Variants in DOCK5 observed in about 807,000 individuals in gnomAD.
DOCK5 encodes the protein dedicator of cytokinesis protein 5.
In DOCK5, 142 loss-of-function variants were observed where a neutral mutation model predicts 251.8. That is an observed-to-expected ratio of 0.56 (90% CI 0.49 to 0.65). The LOEUF (loss-of-function observed/expected upper bound fraction) is 0.65, where lower values mean the gene tolerates loss of function less well. Ranked by LOEUF, DOCK5 falls within the 30% of genes least tolerant of loss-of-function variation. The pLI, the probability that DOCK5 is intolerant of heterozygous loss-of-function variation, is 0.00. For missense variants in DOCK5, 2,111 were observed against 2,312.3 expected (o/e 0.91, Z 1.79); for synonymous variants, 842 against 835.5 (o/e 1.01, Z -0.13).
At position 25,209,509 on chromosome 8, in the gene DOCK5, T is replaced by C. The variant is rs1184241832; in HGVS notation, c.43+24558T>C. On this transcript the variant is annotated intron_variant, in intron 1 of 51. Coordinates refer to ENST00000276440, the MANE Select transcript of DOCK5 (RefSeq NM_024940.8). ...CTTCTTCATCTATAATGAAGGATGA[T>C]GCCAAGAGGATTTTAACTTTTTGAG... Among the ~76,000 whole-genome samples, 2 of 71,152 alleles carry C rather than the reference T, an allele frequency of 2.8e-5. 1 individual carries two copies. The highest frequency in any genetic ancestry group is 6.4e-5 in the African/African-American group (2 of 31,436). The allele number at this position is 71,152 out of a possible 152,430, so 46.7% of individuals were successfully genotyped here. A position where few individuals can be genotyped will look rare whatever the true frequency, so the allele number is the denominator to read the frequency against.
At chr8:25,266,078 C>A (rs79285242) in intron 2 of DOCK5, among the ~76,000 whole-genome samples, 1,892 of 151,928 alleles carry the variant, frequency 0.012, 18 homozygotes, top group Non-Finnish European at 0.019. Context: ...AAGAGTGGCC[C>A]TCTGGACTCA....
chr8:25,334,204 T>C lies in DOCK5; in HGVS notation c.2192+8T>C, dbSNP rs1437427112. On this transcript the variant is annotated splice_region_variant and intron_variant, in intron 21 of 51. Transcript: ENST00000276440. Reference sequence around the variant, plus strand: ...CGCCACTTTGGCATATGTGTAAGTATGATCTGAAGGAACTACATGTTGTTG... The same window carrying C: ...CGCCACTTTGGCATATGTGTAAGTACGATCTGAAGGAACTACATGTTGTTG... 4 of 1,602,296 alleles carry C rather than the reference T, an allele frequency of 2.5e-6. No individual in the cohort carries two copies. The highest frequency in any genetic ancestry group is 2.7e-5 in the African/African-American group (2 of 74,648).
At chr8:25,272,843 C>G (rs1803944440) in intron 3 of DOCK5, among the ~76,000 whole-genome samples, 1 of 152,164 alleles carries the variant, frequency 6.6e-6, no homozygotes, top group African/African-American at 2.4e-5. Context: ...ATTCTGTCCC[C>G]TTTAGATACT....
At chr8:25,284,531 G>A (rs1424376175) in intron 5 of DOCK5, among the ~76,000 whole-genome samples, 1 of 152,192 alleles carries the variant, frequency 6.6e-6, no homozygotes, top group East Asian at 1.9e-4. Context: ...TAACTAGGTC[G>A]ATGGGTTTCA....
At chr8:25,348,023 G>T (rs1438131065) in intron 26 of DOCK5, among the ~76,000 whole-genome samples, 2 of 152,080 alleles carry the variant, frequency 1.3e-5, no homozygotes, top group African/African-American at 2.4e-5. Context: ...CAAAATTATC[G>T]ATCTTGGAGC....
intron 5 of DOCK5, among the ~76,000 whole-genome samples, chr8:25,288,332 C>G (rs1804396943): frequency 6.6e-6 from 1 of 152,204 alleles, no homozygotes; most frequent in African/African-American, 2.4e-5. Flanking sequence ...AAGTCCATCT[C>G]CTTGAAGTGA....
chr8:25,303,416 C>T (rs186885017), intron 10 of DOCK5, among the ~76,000 whole-genome samples: 16 of 152,252 alleles, frequency 1.1e-4, no homozygotes, highest in East Asian at 1.9e-4. Context: ...ATTTACTCTT[C>T]GAAGACAATG....
At chr8:25,219,127 C>T (rs767608811) in intron 1 of DOCK5, among the ~76,000 whole-genome samples, 3 of 152,172 alleles carry the variant, frequency 2.0e-5, no homozygotes, top group Non-Finnish European at 4.4e-5. Context: ...TTCTACCTGG[C>T]TACTTCCCCT....
intron 25 of DOCK5, among the ~76,000 whole-genome samples, chr8:25,345,106 G>T (rs553132444): frequency 4.1e-4 from 60 of 147,594 alleles, no homozygotes; most frequent in African/African-American, 1.4e-3. Flanking sequence ...AAAAATTTTT[G>T]AAAAAAAAAA....
At chr8:25,320,251 T>C (rs1563200909) in intron 15 of DOCK5, among the ~76,000 whole-genome samples, 1 of 152,242 alleles carries the variant, frequency 6.6e-6, no homozygotes, top group Non-Finnish European at 1.5e-5. Context: ...CAGCTCTTTC[T>C]GGTTGTCGAA....
chr8:25,308,088 A>G (rs577177229), intron 11 of DOCK5, among the ~76,000 whole-genome samples: 2 of 152,234 alleles, frequency 1.3e-5, no homozygotes, highest in East Asian at 1.9e-4. Context: ...ACAGGAGACT[A>G]TTGTACTGCA....
chr8:25,240,245 T>G (rs1432920332), intron 1 of DOCK5, among the ~76,000 whole-genome samples: 1 of 149,454 alleles, frequency 6.7e-6, no homozygotes, highest in African/African-American at 2.5e-5. Context: ...AGTTCCCTCA[T>G]CAGTAGAGTG....
chr8:25,365,339 C>T (rs1268593444), intron 30 of DOCK5, among the ~76,000 whole-genome samples: 1 of 152,202 alleles, frequency 6.6e-6, no homozygotes, highest in African/African-American at 2.4e-5. Flanking sequence ...GGGTGATGTG[C>T]TTTCTGTGTT....
At chr8:25,206,944 G>A (rs781093330) in intron 1 of DOCK5, among the ~76,000 whole-genome samples, 13 of 152,218 alleles carry the variant, frequency 8.5e-5, no homozygotes, top group Non-Finnish European at 1.6e-4. Flanking sequence ...GGGAGCAGAT[G>A]TGGAGAGACC....
chr8:25,348,036 T>G (rs1347808675), intron 26 of DOCK5, among the ~76,000 whole-genome samples: 2 of 152,220 alleles, frequency 1.3e-5, no homozygotes, highest in African/African-American at 2.4e-5. Flanking sequence ...CTTGGAGCTC[T>G]GGTAAAGTAG....
chr8:25,401,215 C>T, intron 47 of DOCK5, 149 bp downstream of exon 47: 1 of 1,136,116 alleles, frequency 8.8e-7, no homozygotes, highest in East Asian at 2.4e-5. Context: ...GTGTTCCCCT[C>T]TTGGTGACCT....
intron 22 of DOCK5, among the ~76,000 whole-genome samples, chr8:25,337,012 A>G (rs1683176239): frequency 6.6e-6 from 1 of 152,202 alleles, no homozygotes; most frequent in African/African-American, 2.4e-5. Flanking sequence ...AAGAAACTTT[A>G]TTGAAAAAAA....
Position 25,407,987 on chromosome 8 carries a change from A to T in DOCK5, c.5098A>T (p.Ile1700Phe), listed in dbSNP as rs765336668. 1.3e-5 allele frequency: 21 copies of T among 1,611,480 alleles called. No homozygotes were observed. The highest frequency in any genetic ancestry group is 2.7e-5 in the African/African-American group (2 of 74,738). ...GTCCTTGTTCCTGGCCAATAGCTCA[A>T]TCTTGGAGCCACTTTTGGAGCGCAG... ...APSRPGSDGS[I>F]LEPLLERRAS... Residue 1700 changes from isoleucine (I) to phenylalanine (F), a missense_variant, in exon 49 of 52, where the codon ATC becomes TTC. This residue lies in a region of DOCK5 where 1,717 missense variants were observed against 1,892.4 expected (regional missense o/e 0.91). Coordinates refer to ENST00000276440, the MANE Select transcript of DOCK5 (RefSeq NM_024940.8).
chr8:25,403,446 CAT>C, intron 47 of DOCK5, 110 bp from the exon 48 acceptor site: 1 of 1,130,180 alleles, frequency 8.8e-7, no homozygotes, highest in South Asian at 1.5e-5. Flanking sequence ...GTGCCAGCCA[CAT>C]AACCAGTACA....
Sources: allele counts gnomAD v4.1 joint callset (sites outside exome capture counted in the v4.1 genomes callset), GRCh38; gene constraint gnomAD v4.1.1; regional missense constraint gnomAD v4.1.1; transcripts MANE v1.5; gene names NCBI Gene and HGNC (gene_info 2026-07-23, HGNC 2026-07-21).